Variants in DRC1 observed in about 807,000 individuals in gnomAD.
DRC1 encodes the protein dynein regulatory complex subunit 1.
A neutral mutation model predicts 98.7 loss-of-function variants in DRC1; 74 were observed. That is an observed-to-expected ratio of 0.75 (90% CI 0.62 to 0.91). The LOEUF is 0.91. Among genes scored for constraint, DRC1 ranks in the 40% least tolerant of loss-of-function variants. DRC1 has a pLI of 0.00. For missense variants in DRC1, 875 were observed against 886.0 expected, an observed-to-expected ratio of 0.99 and a Z score of 0.16; for synonymous variants, 336 against 334.1, an observed-to-expected ratio of 1.01 and a Z score of -0.06.
chr2:26,453,935 C>T (rs1024942077), intron 14 of DRC1, among the ~76,000 whole-genome samples: 11 of 152,112 alleles, frequency 7.2e-5, no homozygotes, highest in Non-Finnish European at 2.9e-5. Flanking sequence ...GGCACTGGAA[C>T]TAGGTGTTCC....
chr2:26,442,104 C>T (rs1439824234), intron 8 of DRC1, among the ~76,000 whole-genome samples: 1 of 152,178 alleles, frequency 6.6e-6, no homozygotes, highest in Non-Finnish European at 1.5e-5. Context: ...GATGCTGTGT[C>T]CTCACACAGT....
In DRC1 at chr2:26,453,599, G is replaced by A. The variant is rs140605392; in HGVS notation, c.1919+50G>A. ...GCCTGAGACCAGAACCAGGGGAGCT[G>A]GATGGGCTGGGGAGCCAGGCAGAGC... On this transcript the variant is annotated intron_variant, in intron 14 of 16. Transcript: ENST00000288710. The A allele has an allele frequency of 7.3e-3, 11,487 of 1,565,298 alleles. 52 individuals carry two copies. Among genetic ancestry groups the A allele is most frequent in the Middle Eastern group, 9.1e-3 (45 of 4,930 alleles).
At chr2:26,428,777 A>G (rs1374996529) in intron 4 of DRC1, among the ~76,000 whole-genome samples, 2 of 152,012 alleles carry the variant, frequency 1.3e-5, no homozygotes, top group African/African-American at 2.4e-5. Context: ...CAGCCTGGGC[A>G]ACAGAGCAAG....
intron 4 of DRC1, among the ~76,000 whole-genome samples, chr2:26,426,360 GT>G: frequency 6.7e-6 from 1 of 148,228 alleles, no homozygotes; most frequent in Non-Finnish European, 1.5e-5. Context: ...TTGCAGTTTT[GT>G]TTTTGTTTAT....
intron 2 of DRC1, among the ~76,000 whole-genome samples, chr2:26,417,130 C>T (rs1678833619): frequency 6.6e-6 from 1 of 152,126 alleles, no homozygotes. Context: ...CCAGGCTCCA[C>T]CTCCAACTCT....
rs1663868666 is a variant in DRC1, at chr2:26,446,972, C to A, written c.1397-1719C>A. 2.0e-5 allele frequency among the ~76,000 whole-genome samples: 3 copies of A among 151,960 alleles called. No homozygotes were observed. In the South Asian group the frequency reaches 6.2e-4, roughly 32 times the overall value. On this transcript the variant is annotated intron_variant, in intron 10 of 16. Coordinates refer to ENST00000288710, the MANE Select transcript of DRC1 (RefSeq NM_145038.5). The stretch of plus-strand genomic sequence containing the variant: ...GCCGGTCATGGCGTGCGCCTGTAAT[C>A]CCAGCTACTCAGGAGGCTGAGGCAG...
intron 1 of DRC1, among the ~76,000 whole-genome samples, chr2:26,412,620 G>A (rs533399003): frequency 6.6e-6 from 1 of 152,056 alleles, no homozygotes; most frequent in African/African-American, 2.4e-5. Context: ...ACACAGACAA[G>A]CACACACACA....
At chr2:26,427,898 G>C (rs1663328165) in intron 4 of DRC1, among the ~76,000 whole-genome samples, 1 of 152,200 alleles carries the variant, frequency 6.6e-6, no homozygotes, top group African/African-American at 2.4e-5. Flanking sequence ...CGTTGCAAAT[G>C]ACAGGATCTC....
rs1049120972 is a variant in DRC1, at chr2:26,454,071, G to A, written c.1919+522G>A. Among the ~76,000 whole-genome samples the A allele has an allele frequency of 1.3e-5, 2 of 152,196 alleles. No homozygotes were observed. The highest frequency in any genetic ancestry group is 2.4e-5 in the African/African-American group (1 of 41,448). On this transcript the variant is annotated intron_variant, in intron 14 of 16. Coordinates refer to ENST00000288710, the MANE Select transcript of DRC1 (RefSeq NM_145038.5). The surrounding 1 kb of genome is among the most constrained non-coding windows in gnomAD (Gnocchi z 5.2). ...AGGGCCTGGGAGGTGGCACTGGTGG[G>A]TGGGGAGCTAGCCAGGTCTTGGAGA...
chr2:26,451,348 T>C (rs929616513), intron 13 of DRC1, among the ~76,000 whole-genome samples: 1 of 152,256 alleles, frequency 6.6e-6, no homozygotes, highest in African/African-American at 2.4e-5. Flanking sequence ...CCATTTGTCC[T>C]ACATATCTTG....
intron 2 of DRC1, among the ~76,000 whole-genome samples, chr2:26,418,615 T>A (rs1380687164): frequency 1.0e-5 from 1 of 97,542 alleles, no homozygotes; most frequent in Non-Finnish European, 1.8e-5. Flanking sequence ...ATATAAATTA[T>A]ATATAATATA....
In DRC1 at chr2:26,429,639, A is replaced by G. The variant is rs755596471; in HGVS notation, c.552A>G (p.Thr184=). 5 of 1,614,024 alleles carry G rather than the reference A, an allele frequency of 3.1e-6. No homozygotes were observed. The East Asian group carries it at 6.7e-5, about 22-fold the overall frequency. ...ATGCTCTTTTCTAGGAGTTAAAAACAAAGGATGACCAGTATGTGAAGGATT... is the reference window on the plus strand; with the variant it reads ...ATGCTCTTTTCTAGGAGTTAAAAACGAAGGATGACCAGTATGTGAAGGATT... ...LISELQQELK[T]KDDQYVKDLK... is the part of the protein sequence containing the mutation. Residue 184 remains threonine (T), a synonymous_variant, in exon 5 of 17, where the codon ACA becomes ACG. Coordinates refer to ENST00000288710, the MANE Select transcript of DRC1 (RefSeq NM_145038.5).
intron 1 of DRC1, among the ~76,000 whole-genome samples, chr2:26,410,653 T>C (rs919188017): frequency 6.6e-6 from 1 of 152,146 alleles, no homozygotes; most frequent in South Asian, 2.1e-4. Context: ...CATATTATCA[T>C]GGAAAGAATT....
chr2:26,444,015 C>T (rs915967439), intron 8 of DRC1, among the ~76,000 whole-genome samples: 8 of 151,990 alleles, frequency 5.3e-5, no homozygotes, highest in East Asian at 1.9e-4. Context: ...GTTTTCAATG[C>T]GTTTCGTTTT....
chr2:26,405,610 A>G (rs1678390731), intron 1 of DRC1, among the ~76,000 whole-genome samples: 1 of 142,108 alleles, frequency 7.0e-6, no homozygotes, highest in Middle Eastern at 3.3e-3. Context: ...TTTGGCTATG[A>G]TAATGGTATG....
At chr2:26,439,233 A>C (rs534164329) in intron 7 of DRC1, among the ~76,000 whole-genome samples, 52 of 152,032 alleles carry the variant, frequency 3.4e-4, no homozygotes, top group African/African-American at 1.2e-3. Flanking sequence ...GCACCTGCGT[A>C]ACTCCAGCAC....
intron 15 of DRC1, 86 bp from the exon 16 acceptor site, chr2:26,455,045 C>A: frequency 6.6e-7 from 1 of 1,507,712 alleles, no homozygotes; most frequent in Non-Finnish European, 9.2e-7. Flanking sequence ...CCACCTGTAG[C>A]CAAAGTACAA....
Position 26,429,657 on chromosome 2 carries a change from G to A in DRC1, c.570G>A (p.Val190=). Residue 190 remains valine (V), a synonymous_variant, in exon 5 of 17, where the codon GTG becomes GTA. Transcript: ENST00000288710. ...TAAAAACAAAGGATGACCAGTATGT[G>A]AAGGATTTGAAGAAACAGTCAGATG... ...QELKTKDDQY[V]KDLKKQSDDI... 1 of 1,614,134 alleles carries A rather than the reference G, an allele frequency of 6.2e-7. No homozygotes were observed. The highest frequency in any genetic ancestry group is 8.5e-7 in the Non-Finnish European group (1 of 1,180,024).
At chr2:26,452,581 T>A (rs1243128089) in intron 13 of DRC1, among the ~76,000 whole-genome samples, 1 of 152,260 alleles carries the variant, frequency 6.6e-6, no homozygotes, top group Non-Finnish European at 1.5e-5. Context: ...ATGGTGTATT[T>A]ATTGTAGCTG....
Sources: gnomAD v4.1 joint callset for allele counts (sites outside exome capture counted in the v4.1 genomes callset) on GRCh38, gnomAD v4.1.1 for gene constraint, Gnocchi (gnomAD v3.1) non-coding constraint, MANE v1.5 for transcripts, NCBI Gene and HGNC (gene_info 2026-07-23, HGNC 2026-07-21) for gene names.